XRCC4: variants seen among roughly 807,000 people sequenced by gnomAD.
XRCC4 encodes DNA repair protein XRCC4.
Under a neutral mutation model 39.1 loss-of-function variants are expected in XRCC4, and 28 were observed. The observed-to-expected ratio is 0.72, with a 90% CI of 0.53 to 0.98. The LOEUF (loss-of-function observed/expected upper bound fraction) is 0.98, where lower values mean the gene tolerates loss of function less well. Among genes scored for constraint, XRCC4 ranks in the 50% least tolerant of loss-of-function variants. XRCC4 has a pLI of 0.00. For synonymous variants in XRCC4, 123 were observed against 126.4 expected (o/e 0.97, Z 0.18); for missense variants, 350 against 376.4 (o/e 0.93, Z 0.58).
At chr5:83,261,769 A>C (rs1181450102) in intron 7 of XRCC4, among the ~76,000 whole-genome samples, 1 of 152,050 alleles carries the variant, frequency 6.6e-6, no homozygotes, top group East Asian at 1.9e-4. Flanking sequence ...ACCACTTTCA[A>C]AACATGAATA....
downstream of XRCC4, among the ~76,000 whole-genome samples, chr5:83,354,174 G>GAT (rs1377419856): frequency 1.3e-5 from 2 of 152,192 alleles, no homozygotes; most frequent in Non-Finnish European, 2.9e-5. Context: ...CAGCACATTT[G>GAT]ATATAGTTGA....
chr5:83,351,380 G>A (rs1018395304), intron 7 of XRCC4, among the ~76,000 whole-genome samples: 12 of 152,076 alleles, frequency 7.9e-5, no homozygotes, highest in African/African-American at 2.7e-4. Flanking sequence ...ACCATTTATT[G>A]TATTCACCTT....
At chr5:83,090,284 C>T (rs1404634570) in intron 1 of XRCC4, among the ~76,000 whole-genome samples, 1 of 151,928 alleles carries the variant, frequency 6.6e-6, no homozygotes, top group Non-Finnish European at 1.5e-5. Context: ...CTTTTTCATG[C>T]TTTTCTCATG....
intron 7 of XRCC4, among the ~76,000 whole-genome samples, chr5:83,335,632 T>C (rs1170654726): frequency 1.3e-5 from 2 of 152,074 alleles, no homozygotes; most frequent in African/African-American, 4.8e-5. Flanking sequence ...GAGTGTTGTT[T>C]ATCTTTTCAT....
chr5:83,286,021 G>A (rs1463973860), intron 7 of XRCC4, among the ~76,000 whole-genome samples: 1 of 152,106 alleles, frequency 6.6e-6, no homozygotes, highest in Admixed American at 6.6e-5. Flanking sequence ...CTTTAGAAAA[G>A]CTAGCTGATC....
In XRCC4 at chr5:83,276,437, TC is replaced by T. The variant is rs199706012; in HGVS notation, c.893+17762del. Among the ~76,000 whole-genome samples, 549 of 150,786 alleles carry T rather than the reference TC, an allele frequency of 3.6e-3. 11 individuals carry two copies. In the East Asian group the frequency reaches 0.071, roughly 20 times the overall value. On this transcript the variant is annotated intron_variant, in intron 7 of 7. Transcript: ENST00000396027. ...GGCTTTACCCTAATGAAGGGATTAATCCATTCATTTATGAATGGATTAATGC... is the reference window on the plus strand; with the variant it reads ...GGCTTTACCCTAATGAAGGGATTAATCATTCATTTATGAATGGATTAATGC...
intron 3 of XRCC4, among the ~76,000 whole-genome samples, chr5:83,127,978 A>G (rs1011475535): frequency 5.5e-5 from 8 of 145,128 alleles, no homozygotes; most frequent in Admixed American, 2.1e-4. Context: ...TCTGTCATTT[A>G]TTTATTTATT....
intron 3 of XRCC4, among the ~76,000 whole-genome samples, chr5:83,178,166 G>A (rs1406442090): frequency 6.6e-6 from 1 of 152,236 alleles, no homozygotes; most frequent in East Asian, 1.9e-4. Context: ...TTCGGTTACT[G>A]GGGGTAAAGC....
chr5:83,188,729 C>T lies in XRCC4; in HGVS notation c.316-7041C>T, dbSNP rs745408740. On this transcript the variant is annotated intron_variant, in intron 3 of 7. Transcript: ENST00000396027. ...TGAGAGGAGGCCCCACCTAGAGATACAGATTTGGCAGTTTTCAGCTTATTT... is the reference window on the plus strand; with the variant it reads ...TGAGAGGAGGCCCCACCTAGAGATATAGATTTGGCAGTTTTCAGCTTATTT... Among the ~76,000 whole-genome samples, 16 of 152,072 alleles carry T rather than the reference C, an allele frequency of 1.1e-4. 1 individual carries two copies. The highest frequency in any genetic ancestry group is 6.6e-5 in the Admixed American group (1 of 15,266).
At chr5:83,285,585 A>C (rs1754704742) in intron 7 of XRCC4, among the ~76,000 whole-genome samples, 1 of 152,174 alleles carries the variant, frequency 6.6e-6, no homozygotes, top group East Asian at 1.9e-4. Context: ...ACAGAAATAA[A>C]GGAATCAAAA....
chr5:83,330,232 G>C (rs1756395279), intron 7 of XRCC4, among the ~76,000 whole-genome samples: 1 of 151,902 alleles, frequency 6.6e-6, no homozygotes, highest in Non-Finnish European at 1.5e-5. Flanking sequence ...AAAGGAAGTG[G>C]AAAACAGTAT....
intron 3 of XRCC4, among the ~76,000 whole-genome samples, chr5:83,177,934 G>A (rs1750032687): frequency 6.6e-6 from 1 of 152,174 alleles, no homozygotes; most frequent in African/African-American, 2.4e-5. Context: ...GAGTCAGAGA[G>A]CCTAGTTGGA....
intron 3 of XRCC4, among the ~76,000 whole-genome samples, chr5:83,138,452 C>G (rs976426130): frequency 3.3e-5 from 5 of 151,898 alleles, no homozygotes; most frequent in African/African-American, 9.7e-5. Context: ...AATATGTTTG[C>G]TAGTAGACCC....
At chr5:83,310,500 G>A (rs28360294) in intron 7 of XRCC4, among the ~76,000 whole-genome samples, 196 of 152,240 alleles carry the variant, frequency 1.3e-3, no homozygotes, top group African/African-American at 4.6e-3. Flanking sequence ...TTTATTCTGT[G>A]TACCTTTCTG....
At chr5:83,270,348 A>T (rs147703778) in intron 7 of XRCC4, among the ~76,000 whole-genome samples, 131 of 152,310 alleles carry the variant, frequency 8.6e-4, no homozygotes, top group African/African-American at 3.0e-3. Context: ...TTTAAGAGTT[A>T]TCTTTAGCTT....
chr5:83,296,985 A>G (rs1182575965), intron 7 of XRCC4, among the ~76,000 whole-genome samples: 1 of 152,018 alleles, frequency 6.6e-6, no homozygotes. Context: ...CAAAGAATGG[A>G]TCATTCAGAT....
rs2112241113 is a variant in XRCC4, at chr5:83,353,384, T to C, written c.*142T>C. 1.6e-6 allele frequency: 1 copy of C among 630,246 alleles called. No individual in the cohort carries two copies. The highest frequency in any genetic ancestry group is 2.7e-6 in the Non-Finnish European group (1 of 370,800). The allele number at this position is 630,246 out of a possible 1,614,324, so 39.0% of individuals were successfully genotyped here. On this transcript the variant is annotated 3_prime_UTR_variant, in exon 8 of 8. Coordinates refer to ENST00000396027, the MANE Select transcript of XRCC4 (RefSeq NM_003401.5). ...CATACACAGTGAATTGAAACCATTG[T>C]GCAAAATGGATTACACATGTATACA... is the stretch of plus-strand genomic sequence containing the variant.
chr5:83,147,987 C>T (rs892420297), intron 3 of XRCC4, among the ~76,000 whole-genome samples: 1 of 152,000 alleles, frequency 6.6e-6, no homozygotes, highest in Admixed American at 6.6e-5. Flanking sequence ...GGGGTTTCAC[C>T]ATGTTGACCA....
rs566559158 is a variant in XRCC4 at position 83,149,087 on chromosome 5, A to G, written c.315+37884A>G. 2.6e-5 allele frequency among the ~76,000 whole-genome samples: 4 copies of G among 152,306 alleles called. No individual in the cohort carries two copies. The East Asian group carries it at 5.8e-4, about 22-fold the overall frequency. ...TAGTGCATTTTGCTTTAATTATCAA[A>G]TAAATCATAATTGACATGGTAATAT... On this transcript the variant is annotated intron_variant, in intron 3 of 7. Coordinates refer to ENST00000396027, the MANE Select transcript of XRCC4 (RefSeq NM_003401.5).
Sources: allele counts gnomAD v4.1 joint callset (sites outside exome capture counted in the v4.1 genomes callset), GRCh38; gene constraint gnomAD v4.1.1; transcripts MANE v1.5; gene names NCBI Gene and HGNC (gene_info 2026-07-23, HGNC 2026-07-21).